MMP26: variants seen among roughly 807,000 people sequenced by gnomAD.
MMP26 encodes matrix metalloproteinase-26.
In MMP26, 33 loss-of-function variants were observed where a neutral mutation model predicts 31.0. That is an observed-to-expected ratio of 1.06 (90% CI 0.81 to 1.42). The LOEUF (loss-of-function observed/expected upper bound fraction) is 1.42, where lower values mean the gene tolerates loss of function less well. MMP26 is among the 40% of genes most tolerant of loss of function. MMP26 has a pLI of 0.00. For missense variants in MMP26, 347 were observed against 316.1 expected, an observed-to-expected ratio of 1.10 and a Z score of -0.74; for synonymous variants, 122 against 114.9, an observed-to-expected ratio of 1.06 and a Z score of -0.40.
chr11:4,908,030 T>G (rs148745045), intron 2 of MMP26: 3 of 1,614,098 alleles, frequency 1.9e-6, no homozygotes, highest in Non-Finnish European at 2.5e-6. Flanking sequence ...TGTGCTGATC[T>G]TGAAGACTAT....
intron 2 of MMP26, among the ~76,000 whole-genome samples, chr11:4,797,428 G>T (rs1849123323): frequency 6.6e-6 from 1 of 152,108 alleles, no homozygotes; most frequent in Admixed American, 6.5e-5. Flanking sequence ...TTCATGAGTG[G>T]ACTTTCCCTT....
At chr11:4,778,614 A>C (rs915156670) in intron 2 of MMP26, among the ~76,000 whole-genome samples, 1 of 152,026 alleles carries the variant, frequency 6.6e-6, no homozygotes, top group Non-Finnish European at 1.5e-5. Flanking sequence ...TATACTTCAC[A>C]TTTTCACATA....
At chr11:4,712,514 T>C (rs1040236929) in intron 1 of MMP26, 1 of 152,134 alleles carries the variant, frequency 6.6e-6, no homozygotes, top group Non-Finnish European at 1.5e-5. Flanking sequence ...TTCTAAGCAA[T>C]GAAAGCATAA....
intron 2 of MMP26, among the ~76,000 whole-genome samples, chr11:4,808,783 T>C (rs1264411466): frequency 6.7e-6 from 1 of 149,900 alleles, no homozygotes; most frequent in Non-Finnish European, 1.5e-5. Flanking sequence ...TGGTGGACAA[T>C]GGAGGAGCAG....
chr11:4,811,991 G>C (rs1423652815), intron 2 of MMP26, among the ~76,000 whole-genome samples: 1 of 152,138 alleles, frequency 6.6e-6, no homozygotes, highest in Non-Finnish European at 1.5e-5. Flanking sequence ...ACAGCTGTTT[G>C]TCGAAGCCCA....
At chr11:4,885,305 A>G (rs1850532703) in intron 2 of MMP26, among the ~76,000 whole-genome samples, 1 of 152,152 alleles carries the variant, frequency 6.6e-6, no homozygotes, top group South Asian at 2.1e-4. Context: ...TTGCAATCCT[A>G]TGGAGAGATT....
chr11:4,772,284 G>C (rs1409459442), intron 2 of MMP26, among the ~76,000 whole-genome samples: 1 of 152,138 alleles, frequency 6.6e-6, no homozygotes, highest in Non-Finnish European at 1.5e-5. Flanking sequence ...TTTACACACT[G>C]TTCATAGCAT....
chr11:4,716,589 G>GA (rs1297303682), intron 1 of MMP26, among the ~76,000 whole-genome samples: 4 of 132,808 alleles, frequency 3.0e-5, no homozygotes, highest in Admixed American at 8.0e-5. Context: ...TGTATGAATA[G>GA]AAAAAATCTC....
chr11:4,888,395 C>A (rs182807704), intron 2 of MMP26, among the ~76,000 whole-genome samples: 1 of 151,970 alleles, frequency 6.6e-6, no homozygotes, highest in East Asian at 1.9e-4. Context: ...TTATTTTATG[C>A]TAGTTTAACA....
At chr11:4,935,183 C>T (rs1457174715) in intron 2 of MMP26, among the ~76,000 whole-genome samples, 13 of 151,692 alleles carry the variant, frequency 8.6e-5, no homozygotes, top group African/African-American at 2.7e-4. Context: ...GCCGTTTTCA[C>T]GATATTGATT....
intron 2 of MMP26, chr11:4,923,649 C>T (rs776275767): frequency 1.7e-5 from 28 of 1,613,634 alleles, no homozygotes; most frequent in African/African-American, 2.7e-5. Context: ...TGGTGGGAGG[C>T]AATGCTGAGC....
At chr11:4,741,351 T>A (rs1848309226) in intron 1 of MMP26, among the ~76,000 whole-genome samples, 7 of 152,160 alleles carry the variant, frequency 4.6e-5, no homozygotes, top group Admixed American at 4.6e-4. Flanking sequence ...CACATGCACA[T>A]GTATGTTTAT....
intron 1 of MMP26, among the ~76,000 whole-genome samples, chr11:4,745,115 A>G (rs1325941038): frequency 6.6e-6 from 1 of 152,214 alleles, no homozygotes; most frequent in Non-Finnish European, 1.5e-5. Flanking sequence ...TGACTAATAT[A>G]AAAAGTGTAC....
chr11:4,793,725 C>A (rs1272828957), intron 2 of MMP26: 1 of 152,040 alleles, frequency 6.6e-6, no homozygotes, highest in Non-Finnish European at 1.5e-5. Context: ...CGTCTTTGGT[C>A]CTTGATTAAC....
intron 2 of MMP26, among the ~76,000 whole-genome samples, chr11:4,942,269 C>A (rs1293491476): frequency 6.6e-6 from 1 of 151,706 alleles, no homozygotes; most frequent in Admixed American, 6.6e-5. Flanking sequence ...TTCAATTATA[C>A]TACATTTGTT....
intron 2 of MMP26, among the ~76,000 whole-genome samples, chr11:4,767,765 C>T (rs554440167): frequency 6.6e-6 from 1 of 152,182 alleles, no homozygotes; most frequent in South Asian, 2.1e-4. Context: ...CTGCTGCCCT[C>T]AGTATTTGTG....
intron 2 of MMP26, chr11:4,923,680 G>T: frequency 6.2e-7 from 1 of 1,613,968 alleles, no homozygotes; most frequent in Non-Finnish European, 8.5e-7. Context: ...GGATGAGGGC[G>T]TATGAGAGAA....
At position 4,990,598 on chromosome 11, in the gene MMP26, G is replaced by T; in HGVS notation, c.321G>T (p.Arg107Ser). The T allele has an allele frequency of 6.2e-7, 1 of 1,611,068 alleles. No individual in the cohort carries two copies. The highest frequency in any genetic ancestry group is 1.3e-5 in the African/African-American group (1 of 74,964). The change falls in exon 5 of 8, where the codon AGG becomes AGT. Residue 107 changes from arginine (R) to serine (S), a missense_variant and splice_region_variant. By Grantham distance (110) the Arg-to-Ser change is moderately radical. Coordinates refer to ENST00000380390, the MANE Select transcript of MMP26 (RefSeq NM_021801.5). ...CKWNKHTLTY[R>S]IINYPHDMKP... ...TTCATTTAGAGATTGCTTTCCTCAG[G>T]ATTATCAATTACCCACATGATATGA...
chr11:4,827,783 A>G (rs992017077), intron 2 of MMP26, among the ~76,000 whole-genome samples: 1 of 151,790 alleles, frequency 6.6e-6, no homozygotes, highest in African/African-American at 2.4e-5. Context: ...TTTCCTAAAA[A>G]TTACCTAAAT....
Sources: gnomAD v4.1 joint callset for allele counts (sites outside exome capture counted in the v4.1 genomes callset) on GRCh38, gnomAD v4.1.1 for gene constraint, MANE v1.5 for transcripts, NCBI Gene and HGNC (gene_info 2026-07-23, HGNC 2026-07-21) for gene names.